The following ARK2C variants were observed in gnomAD, a reference collection of about 807,000 sequenced individuals.
The protein encoded by ARK2C is E3 ubiquitin-protein ligase ARK2C.
chr18:46,442,897 C>T, the ARK2C span, among the ~76,000 whole-genome samples: 3 of 152,292 alleles, frequency 2.0e-5, no homozygotes, highest in East Asian at 5.8e-4. Context: ...AAACATCCTT[C>T]CTTATCCTTG....
At chr18:46,371,925 A>T in the ARK2C span, among the ~76,000 whole-genome samples, 1 of 152,168 alleles carries the variant, frequency 6.6e-6, no homozygotes, top group African/African-American at 2.4e-5. Context: ...ACTCTTATCC[A>T]TTCAACTAAC....
the ARK2C span, among the ~76,000 whole-genome samples, chr18:46,376,476 G>C: frequency 2.0e-5 from 3 of 152,296 alleles, no homozygotes; most frequent in South Asian, 6.2e-4. Context: ...GCCTCTTGTG[G>C]AGATATTTTT....
the ARK2C span, among the ~76,000 whole-genome samples, chr18:46,393,003 A>G: frequency 6.6e-6 from 1 of 151,954 alleles, no homozygotes; most frequent in African/African-American, 2.4e-5. Flanking sequence ...CAGCCTCCTC[A>G]CCTCATTTTG....
the ARK2C span, among the ~76,000 whole-genome samples, chr18:46,372,778 A>C: frequency 6.6e-6 from 1 of 152,246 alleles, no homozygotes; most frequent in Non-Finnish European, 1.5e-5. Flanking sequence ...AACCCTGTGC[A>C]TTTCGAGAGC....
chr18:46,458,392 G>C, the ARK2C span: 2 of 152,570 alleles, frequency 1.3e-5, no homozygotes, highest in African/African-American at 4.8e-5. Flanking sequence ...ACCCCCCACT[G>C]TTCCCTCATT....
the ARK2C span, among the ~76,000 whole-genome samples, chr18:46,404,218 G>A: frequency 1.3e-5 from 2 of 152,134 alleles, no homozygotes; most frequent in South Asian, 2.1e-4. Context: ...TCACACCTGC[G>A]AGTTCTTTCC....
At chr18:46,362,613 C>T in the ARK2C span, among the ~76,000 whole-genome samples, 1 of 152,206 alleles carries the variant, frequency 6.6e-6, no homozygotes, top group African/African-American at 2.4e-5. Context: ...TAATGAGAGC[C>T]TCAAAGCTTT....
chr18:46,456,789 C>G, the ARK2C span: 1 of 649,050 alleles, frequency 1.5e-6, no homozygotes, highest in Non-Finnish European at 2.8e-6. Context: ...GTATCGGTGT[C>G]GAGGGAGAGG....
the ARK2C span, among the ~76,000 whole-genome samples, chr18:46,400,871 G>A: frequency 1.3e-5 from 2 of 152,140 alleles, no homozygotes; most frequent in Non-Finnish European, 2.9e-5. Flanking sequence ...CTCAGGATCA[G>A]GTCTCGTGCA....
the ARK2C span, among the ~76,000 whole-genome samples, chr18:46,451,115 C>G: frequency 6.6e-6 from 1 of 152,126 alleles, no homozygotes; most frequent in Non-Finnish European, 1.5e-5. Context: ...ATACTTGTCT[C>G]TAAATGAGAT....
the ARK2C span, among the ~76,000 whole-genome samples, chr18:46,356,822 T>C: frequency 6.6e-6 from 1 of 152,194 alleles, no homozygotes; most frequent in African/African-American, 2.4e-5. Flanking sequence ...ATGTTGGTCT[T>C]ATTCAGGCAT....
At chr18:46,336,070 A>G in the ARK2C span, 2 of 985,184 alleles carry the variant, frequency 2.0e-6, no homozygotes, top group Non-Finnish European at 2.4e-6. Flanking sequence ...TGGGTGTGTG[A>G]GGAAGAAAGA....
chr18:46,379,427 C>T, the ARK2C span, among the ~76,000 whole-genome samples: 1 of 152,212 alleles, frequency 6.6e-6, no homozygotes, highest in East Asian at 1.9e-4. Flanking sequence ...CCTCTACTTA[C>T]CCTCACACCC....
chr18:46,389,918 A>G, the ARK2C span, among the ~76,000 whole-genome samples: 1 of 152,082 alleles, frequency 6.6e-6, no homozygotes, highest in Non-Finnish European at 1.5e-5. Context: ...TTGTAGAGAC[A>G]GGGTTTTGCC....
the ARK2C span, chr18:46,461,721 GAAGAA>G: frequency 1.3e-5 from 2 of 151,836 alleles, no homozygotes; most frequent in South Asian, 4.2e-4. Flanking sequence ...AAGAAGAAGA[GAAGAA>G]TAGAGAGAGT....
At chr18:46,433,221 C>A in the ARK2C span, 4 of 1,601,732 alleles carry the variant, frequency 2.5e-6, no homozygotes, top group African/African-American at 5.4e-5. Flanking sequence ...AGCATCCTCA[C>A]GCTACCTCCT....
At chr18:46,396,197 A>T in the ARK2C span, among the ~76,000 whole-genome samples, 1 of 152,226 alleles carries the variant, frequency 6.6e-6, no homozygotes, top group Non-Finnish European at 1.5e-5. Context: ...GCCAGCCCAC[A>T]TTCAAAGATG....
the ARK2C span, chr18:46,335,997 A>G: frequency 2.0e-6 from 2 of 985,334 alleles, no homozygotes; most frequent in Non-Finnish European, 2.4e-6. Flanking sequence ...TGAGGAAGGC[A>G]TTGCTATTTA....
At chr18:46,444,105 A>G in the ARK2C span, among the ~76,000 whole-genome samples, 1 of 151,558 alleles carries the variant, frequency 6.6e-6, no homozygotes, top group East Asian at 1.9e-4. Context: ...TTTGTTGTTG[A>G]TGGGAAATCT....
Sources: allele counts gnomAD v4.1 joint callset (sites outside exome capture counted in the v4.1 genomes callset), GRCh38; gene constraint gnomAD v4.1.1; transcripts MANE v1.5; gene names NCBI Gene and HGNC (gene_info 2026-07-23, HGNC 2026-07-21).